NSD2: variants seen among roughly 807,000 people sequenced by gnomAD.
The protein encoded by NSD2 is nuclear receptor binding SET domain protein 2, also known as histone-lysine N-methyltransferase NSD2.
A neutral mutation model predicts 139.0 loss-of-function variants in NSD2; 12 were observed. The ratio of observed to expected loss-of-function variants is 0.09; its 90% CI spans 0.06 to 0.14. The LOEUF is 0.14. Ranked by LOEUF, NSD2 falls within the 10% of genes least tolerant of loss-of-function variation. The pLI, the probability that NSD2 is intolerant of heterozygous loss-of-function variation, is 1.00. For synonymous variants in NSD2, 669 were observed against 648.7 expected (o/e 1.03, Z -0.48); for missense variants, 1,155 against 1,745.0 (o/e 0.66, Z 6.02).
rs1241536924 is a variant in NSD2, at chr4:1,952,152, C to T, written c.2058C>T (p.Cys686=). ...GCCTCCTGCTCTGTGAAGGACCCTG[C>T]TGCGGAGCTTTCCACCTCGCCTGCC... ...PGSLLLCEGP[C]CGAFHLACLG... is the part of the protein sequence containing the mutation. Residue 686 remains cysteine (C), a synonymous_variant, in exon 11 of 22, where the codon TGC becomes TGT. Coordinates refer to ENST00000508803, the MANE Select transcript of NSD2 (RefSeq NM_001042424.3). 6.2e-7 allele frequency: 1 copy of T among 1,614,042 alleles called. No individual in the cohort carries two copies. The highest frequency in any genetic ancestry group is 1.3e-5 in the African/African-American group (1 of 74,940).
chr4:1,956,208 G>A lies in NSD2; in HGVS notation c.2881+20G>A. 2 of 1,573,578 alleles carry A rather than the reference G, an allele frequency of 1.3e-6. No homozygotes were observed. The highest frequency in any genetic ancestry group is 1.7e-6 in the Non-Finnish European group (2 of 1,157,944). On this transcript the variant is annotated intron_variant, in intron 15 of 21. Coordinates refer to ENST00000508803, the MANE Select transcript of NSD2 (RefSeq NM_001042424.3). This position sits in a 1 kb window ranked among gnomAD's most constrained non-coding sequence, Gnocchi z 5.3. The stretch of plus-strand genomic sequence containing the variant: ...AAAACGGTACGGAGATATTCAGATA[G>A]AGAGTGAGACAGCACTCTCGTGCAT...
Position 1,896,744 on chromosome 4 carries a change from CTCTT to C in NSD2, c.-29-3871_-29-3868del, listed in dbSNP as rs917675253. 2.0e-3 allele frequency among the ~76,000 whole-genome samples: 298 copies of C among 146,836 alleles called. 2 individuals carry two copies. The highest frequency in any genetic ancestry group is 6.5e-3 in the African/African-American group (265 of 40,484). On this transcript the variant is annotated intron_variant, in intron 1 of 21. Transcript: ENST00000508803. The stretch of plus-strand genomic sequence containing the variant: ...CTTTCCTTCCTTCCCTTCTCTCTTT[CTCTT>C]TCTTTCTTTCCTTCTTTCTTCTCTT...
intron 18 of NSD2, among the ~76,000 whole-genome samples, chr4:1,969,956 C>CT (rs1726274683): frequency 6.6e-6 from 1 of 152,078 alleles, no homozygotes; most frequent in African/African-American, 2.4e-5. Context: ...AAGGAACACA[C>CT]TAGAGAGTAG....
chr4:1,914,748 G>T (rs1211141188), intron 3 of NSD2, among the ~76,000 whole-genome samples: 1 of 152,180 alleles, frequency 6.6e-6, no homozygotes, highest in Admixed American at 6.5e-5. Flanking sequence ...CTAGCATCCA[G>T]AGTTTTTGGC....
intron 6 of NSD2, 50 bp from the exon 7 acceptor site, chr4:1,935,094 C>T: frequency 1.4e-6 from 2 of 1,480,862 alleles, no homozygotes; most frequent in East Asian, 2.3e-5. Flanking sequence ...GCTTCAAATG[C>T]AGCTTTTGGA....
At chr4:1,872,631 A>AGAGAGAGG (rs984225040) in intron 1 of NSD2, among the ~76,000 whole-genome samples, 2 of 133,312 alleles carry the variant, frequency 1.5e-5, no homozygotes, top group East Asian at 2.2e-4. Context: ...AGAGAGAGAG[A>AGAGAGAGG]GAGAGCGCGC....
At chr4:1,914,709 G>A (rs1424634344) in intron 3 of NSD2, among the ~76,000 whole-genome samples, 1 of 152,194 alleles carries the variant, frequency 6.6e-6, no homozygotes, top group Non-Finnish European at 1.5e-5. Context: ...ATTCCCCTAG[G>A]AATTTTGAAG....
At chr4:1,917,998 C>G (rs1467505788) in intron 4 of NSD2, 143 bp from the exon 5 acceptor site, 1 of 1,000,282 alleles carries the variant, frequency 1.0e-6, no homozygotes. Flanking sequence ...CCAGGCTGGT[C>G]TTAAACTCCT....
rs752396637 is a variant in NSD2, at chr4:1,976,766, G to C, written c.3826+87G>C. ...CTGCTGCCGCTCTTCCTGCTGACCG[G>C]GCCTCATCTGGGTGCAGGCACATCA... On this transcript the variant is annotated intron_variant, in intron 21 of 21. Transcript: ENST00000508803. This position sits in a 1 kb window ranked among gnomAD's most constrained non-coding sequence, Gnocchi z 5.3. 694 of 1,403,318 alleles carry C rather than the reference G, an allele frequency of 4.9e-4. 1 individual carries two copies. Among genetic ancestry groups the C allele is most frequent in the Non-Finnish European group, 6.4e-4 (666 of 1,044,958 alleles). The allele number at this position is 1,403,318 out of a possible 1,614,324, so 86.9% of individuals were successfully genotyped here.
intron 2 of NSD2, among the ~76,000 whole-genome samples, chr4:1,903,470 G>T (rs1326719894): frequency 6.6e-6 from 1 of 152,142 alleles, no homozygotes; most frequent in African/African-American, 2.4e-5. Context: ...TGGTGCCCTT[G>T]CCCTCACCAC....
At position 1,900,691 on chromosome 4, in the gene NSD2, C is replaced by G; in HGVS notation, c.37C>G (p.Gln13Glu). 1 of 1,608,590 alleles carries G rather than the reference C, an allele frequency of 6.2e-7. No homozygotes were observed. The highest frequency in any genetic ancestry group is 8.5e-7 in the Non-Finnish European group (1 of 1,176,904). Residue 13 changes from glutamine to glutamate, a missense_variant, in exon 2 of 22, where the codon CAG becomes GAG. By Grantham distance (29) the Gln-to-Glu change is conservative (BLOSUM62 2). Transcript: ENST00000508803. ...CATCAAGCAGAGTCCCCTTTCTGTT[C>G]AGAGTGTTGTAAAGTGCATAAAGAT... ...FSIKQSPLSV[Q>E]SVVKCIKMKQ...
chr4:1,926,468 ATTTTT>A (rs891557418), intron 5 of NSD2, among the ~76,000 whole-genome samples: 1 of 148,242 alleles, frequency 6.7e-6, no homozygotes, highest in African/African-American at 2.5e-5. Context: ...TGAATTTTTA[ATTTTT>A]TTTATTTTTA....
intron 5 of NSD2, among the ~76,000 whole-genome samples, chr4:1,927,573 G>A (rs1211147258): frequency 4.7e-4 from 71 of 151,952 alleles, no homozygotes; most frequent in African/African-American, 1.6e-3. Flanking sequence ...ACAAAAAGTA[G>A]CCAGGTGTGG....
At chr4:1,895,497 C>G (rs1716146315) in intron 1 of NSD2, among the ~76,000 whole-genome samples, 1 of 152,164 alleles carries the variant, frequency 6.6e-6, no homozygotes, top group Admixed American at 6.5e-5. Context: ...TTAGCTGTGC[C>G]TGGTCTGCTA....
chr4:1,942,807 T>C lies in NSD2; in HGVS notation c.1881+3029T>C. On this transcript the variant is annotated intron_variant, in intron 9 of 21. Transcript: ENST00000508803. This position sits in a 1 kb window ranked among gnomAD's most constrained non-coding sequence, Gnocchi z 4.0. Reference sequence around the variant, plus strand: ...AGCGTCGCTACCCTCAGAAACAAACTAACAGCACACGTTAGGAGGAGTCCT... The same window carrying C: ...AGCGTCGCTACCCTCAGAAACAAACCAACAGCACACGTTAGGAGGAGTCCT... The C allele has an allele frequency of 9.3e-7, 1 of 1,075,338 alleles. No homozygotes were observed. The highest frequency in any genetic ancestry group is 4.9e-5 in the East Asian group (1 of 20,300). 66.6% of individuals were successfully genotyped at this position (1,075,338 alleles called of 1,614,324 possible).
rs1727479185 is a variant in NSD2 at position 1,979,109 on chromosome 4, C to CT, written c.*201dup. ...CCGCTGCGTCTGCACTGATGACCGT[C>CT]TGAGCCCAGCTCAGCGTTCCTGGAC... On this transcript the variant is annotated 3_prime_UTR_variant, in exon 22 of 22. Coordinates refer to ENST00000508803, the MANE Select transcript of NSD2 (RefSeq NM_001042424.3). The CT allele has an allele frequency of 3.8e-6, 2 of 530,646 alleles. No homozygotes were observed. The highest frequency in any genetic ancestry group is 3.9e-5 in the African/African-American group (2 of 51,232). The allele number at this position is 530,646 out of a possible 1,614,324, so 32.9% of individuals were successfully genotyped here.
At chr4:1,969,766 G>T (rs1726253540) in intron 18 of NSD2, among the ~76,000 whole-genome samples, 1 of 152,022 alleles carries the variant, frequency 6.6e-6, no homozygotes, top group Non-Finnish European at 1.5e-5. Context: ...ATGGAGAAAA[G>T]CCACTTAGAA....
chr4:1,878,923 G>C (rs1411071618), intron 1 of NSD2, among the ~76,000 whole-genome samples: 2 of 152,140 alleles, frequency 1.3e-5, no homozygotes, highest in African/African-American at 4.8e-5. Context: ...TGCAGGAGAG[G>C]GTCCTTGGTC....
intron 18 of NSD2, among the ~76,000 whole-genome samples, chr4:1,967,724 C>A (rs889526404): frequency 2.0e-5 from 3 of 152,162 alleles, no homozygotes; most frequent in African/African-American, 4.8e-5. Context: ...GTCAGTGTTG[C>A]CAGAGAAGAA....
Sources: gnomAD v4.1 joint callset for allele counts (sites outside exome capture counted in the v4.1 genomes callset) on GRCh38, gnomAD v4.1.1 for gene constraint, Gnocchi (gnomAD v3.1) non-coding constraint, MANE v1.5 for transcripts, NCBI Gene and HGNC (gene_info 2026-07-23, HGNC 2026-07-21) for gene names.